NRG3: variants seen among roughly 807,000 people sequenced by gnomAD.
NRG3 encodes the protein neuregulin 3.
Under a neutral mutation model 66.9 loss-of-function variants are expected in NRG3, and 31 were observed. The observed-to-expected ratio is 0.46, with a 90% CI of 0.35 to 0.63. The LOEUF (loss-of-function observed/expected upper bound fraction) is 0.63, where lower values mean the gene tolerates loss of function less well. Among genes scored for constraint, NRG3 ranks in the 20% least tolerant of loss-of-function variants. NRG3 has a pLI of 0.00. For missense variants in NRG3, 910 were observed against 878.9 expected (o/e 1.04, Z -0.45); for synonymous variants, 393 against 359.4 (o/e 1.09, Z -1.06).
intron 2 of NRG3, among the ~76,000 whole-genome samples, chr10:82,362,396 G>C (rs1004446767): frequency 5.4e-5 from 8 of 149,378 alleles, no homozygotes; most frequent in African/African-American, 2.0e-4. Context: ...TTTTCTGAGA[G>C]GGACCCTTGC....
At chr10:82,207,163 G>A (rs1481490033) in intron 1 of NRG3, among the ~76,000 whole-genome samples, 1 of 152,168 alleles carries the variant, frequency 6.6e-6, no homozygotes, top group Non-Finnish European at 1.5e-5. Context: ...GTTCTTGCTT[G>A]ATTATAGTGC....
chr10:81,916,012 TA>T (rs1162692886), intron 1 of NRG3, among the ~76,000 whole-genome samples: 2 of 152,218 alleles, frequency 1.3e-5, no homozygotes, highest in Non-Finnish European at 2.9e-5. Context: ...TCACTTAACA[TA>T]TCTAAATTAT....
chr10:82,759,213 C>T (rs76727312), intron 3 of NRG3, among the ~76,000 whole-genome samples: 4,822 of 152,088 alleles, frequency 0.032, 268 homozygotes, highest in African/African-American at 0.11. Context: ...TCTCTTACTA[C>T]GCAATCTGTT....
intron 1 of NRG3, among the ~76,000 whole-genome samples, chr10:81,906,248 G>C (rs1364159115): frequency 6.6e-6 from 1 of 151,872 alleles, no homozygotes; most frequent in South Asian, 2.1e-4. Context: ...CATTGGAAAC[G>C]AAAATTTCAG....
chr10:82,855,818 C>A (rs181338901), intron 3 of NRG3, among the ~76,000 whole-genome samples: 3 of 151,992 alleles, frequency 2.0e-5, no homozygotes, highest in African/African-American at 7.2e-5. Context: ...GGGGAAAAAC[C>A]CTTAAATAGC....
At chr10:82,335,715 A>T (rs2082352802) in intron 1 of NRG3, among the ~76,000 whole-genome samples, 1 of 152,228 alleles carries the variant, frequency 6.6e-6, no homozygotes, top group Non-Finnish European at 1.5e-5. Context: ...AGCTGGTAAA[A>T]ATATCAGAAT....
chr10:82,781,768 C>A (rs1226867166), intron 3 of NRG3, among the ~76,000 whole-genome samples: 1 of 152,048 alleles, frequency 6.6e-6, no homozygotes, highest in Non-Finnish European at 1.5e-5. Flanking sequence ...AAGGCATCTT[C>A]TTACTCCTGT....
chr10:82,778,448 T>A (rs960842802), intron 3 of NRG3, among the ~76,000 whole-genome samples: 4 of 152,056 alleles, frequency 2.6e-5, no homozygotes, highest in African/African-American at 9.7e-5. Flanking sequence ...CTTCACAGGG[T>A]GGCAGGATGG....
intron 1 of NRG3, among the ~76,000 whole-genome samples, chr10:82,188,089 G>A (rs2073914923): frequency 6.6e-6 from 1 of 152,158 alleles, no homozygotes; most frequent in South Asian, 2.1e-4. Context: ...AACCAAAACA[G>A]CATGGTACTG....
At chr10:82,910,737 A>G (rs191681524) in intron 4 of NRG3, among the ~76,000 whole-genome samples, 1 of 152,370 alleles carries the variant, frequency 6.6e-6, no homozygotes, top group African/African-American at 2.4e-5. Context: ...TGGCCATGTG[A>G]CCAGGGTATC....
At chr10:82,026,150 C>A (rs2062295379) in intron 1 of NRG3, among the ~76,000 whole-genome samples, 1 of 151,924 alleles carries the variant, frequency 6.6e-6, no homozygotes, top group Non-Finnish European at 1.5e-5. Context: ...AATGAAAAGA[C>A]CCCATAACAA....
rs570799426 is a variant in NRG3, at chr10:82,548,763, T to A, written c.954-189814T>A. The stretch of plus-strand genomic sequence containing the variant: ...AGACAGCAGTAAAACATAAATAAAT[T>A]AATTAATTAATTAAAACAAAAAGCA... On this transcript the variant is annotated intron_variant, in intron 2 of 8. Transcript: ENST00000372141. Among the ~76,000 whole-genome samples the A allele has an allele frequency of 7.2e-4, 95 of 132,362 alleles. 1 individual carries two copies. Among genetic ancestry groups the A allele is most frequent in the East Asian group, 1.7e-3 (9 of 5,148 alleles). 86.8% of individuals were successfully genotyped at this position (132,362 alleles called of 152,430 possible).
intron 3 of NRG3, among the ~76,000 whole-genome samples, chr10:82,834,585 G>A (rs1335758331): frequency 6.6e-6 from 1 of 152,252 alleles, no homozygotes; most frequent in Middle Eastern, 3.4e-3. Context: ...GAGAGTAAAG[G>A]AAATATCATG....
chr10:82,430,825 C>G (rs1323283549), intron 2 of NRG3, among the ~76,000 whole-genome samples: 1 of 152,086 alleles, frequency 6.6e-6, no homozygotes, highest in Non-Finnish European at 1.5e-5. Flanking sequence ...ATGTTTCCGA[C>G]CATCTGCCAA....
At chr10:82,877,753 G>A (rs969197250) in intron 4 of NRG3, among the ~76,000 whole-genome samples, 1 of 152,034 alleles carries the variant, frequency 6.6e-6, no homozygotes, top group African/African-American at 2.4e-5. Context: ...TTGAAGTTTT[G>A]TTTTGTTTTA....
chr10:82,726,980 T>C (rs1252895891), intron 2 of NRG3, among the ~76,000 whole-genome samples: 1 of 152,104 alleles, frequency 6.6e-6, no homozygotes, highest in African/African-American at 2.4e-5. Flanking sequence ...GTGGCATTTT[T>C]CCCCTTCCCT....
chr10:82,602,253 G>A (rs1297855982), intron 2 of NRG3, among the ~76,000 whole-genome samples: 2 of 152,010 alleles, frequency 1.3e-5, no homozygotes, highest in African/African-American at 4.8e-5. Context: ...GGTTTGCAAA[G>A]AGATTTGTGG....
At chr10:82,977,923 G>T (rs1026009358) in intron 7 of NRG3, among the ~76,000 whole-genome samples, 2 of 152,142 alleles carry the variant, frequency 1.3e-5, no homozygotes, top group Non-Finnish European at 2.9e-5. Flanking sequence ...GGTTTCTTTA[G>T]AACCTTGATA....
rs935046471 is a variant in NRG3 at position 82,772,637 on chromosome 10, A to T, written c.1027+33987A>T. On this transcript the variant is annotated intron_variant, in intron 3 of 8. Transcript: ENST00000372141. The stretch of plus-strand genomic sequence containing the variant: ...AACATAAGGTCTTCTGGGGTCATCC[A>T]TGTCGTAACAAATGGCAACGTCTTC... Among the ~76,000 whole-genome samples the T allele has an allele frequency of 1.1e-4, 16 of 150,092 alleles. No individual in the cohort carries two copies. The Admixed American group carries it at 1.1e-3, about 10-fold the overall frequency.
Sources: allele counts gnomAD v4.1 joint callset (sites outside exome capture counted in the v4.1 genomes callset), GRCh38; gene constraint gnomAD v4.1.1; transcripts MANE v1.5; gene names NCBI Gene and HGNC (gene_info 2026-07-23, HGNC 2026-07-21).